The following ITPKB variants were observed in gnomAD, a reference collection of about 807,000 sequenced individuals.
The protein encoded by ITPKB is inositol-trisphosphate 3-kinase B, also known as IP3 3-kinase B.
In ITPKB, 13 loss-of-function variants were observed where a neutral mutation model predicts 69.4. The observed-to-expected ratio is 0.19, with a 90% CI of 0.12 to 0.30. ITPKB has a LOEUF of 0.30. ITPKB is among the 10% of genes least tolerant of loss of function. ITPKB has a pLI of 1.00. For missense variants in ITPKB, 1,240 were observed against 1,250.5 expected, an observed-to-expected ratio of 0.99 and a Z score of 0.13; for synonymous variants, 584 against 513.7, an observed-to-expected ratio of 1.14 and a Z score of -1.85.
Position 226,633,865 on chromosome 1 carries a change from T to C in ITPKB, c.*806A>G, listed in dbSNP as rs536193842. On this transcript the variant is annotated 3_prime_UTR_variant, in exon 8 of 8. Coordinates refer to ENST00000429204, the MANE Select transcript of ITPKB (RefSeq NM_002221.4). Reference sequence around the variant, plus strand: ...CCCAGAGACTCTATAGATCCCATCTTCCCCTGGTAGCACCCTTGGAGCTCA... The same window carrying C: ...CCCAGAGACTCTATAGATCCCATCTCCCCCTGGTAGCACCCTTGGAGCTCA... 21 of 152,318 alleles carry C rather than the reference T, an allele frequency of 1.4e-4. No individual in the cohort carries two copies. Among genetic ancestry groups the C allele is most frequent in the African/African-American group, 5.1e-4 (21 of 41,560 alleles). 9.4% of individuals were successfully genotyped at this position (152,318 alleles called of 1,614,324 possible).
At position 226,647,368 on chromosome 1, in the gene ITPKB, G is replaced by A. The variant is rs1477209879; in HGVS notation, c.2045C>T (p.Ala682Val). The A allele has an allele frequency of 1.2e-6, 2 of 1,613,524 alleles. No homozygotes were observed. Among genetic ancestry groups the A allele is most frequent in the Admixed American group, 3.3e-5 (2 of 59,976 alleles). The change falls in exon 4 of 8, where the codon GCA (alanine) becomes GTA (valine). Residue 682 changes from alanine (A) to valine (V), a missense_variant. Transcript: ENST00000429204. ...CTTCAGGATCCTGCCATTGGCAGCT[G>A]CCTTGAAACTCCCTGGAGAGCAAGT... ...QLAGHAGSFK[A>V]AANGRILKKH...
intron 5 of ITPKB, among the ~76,000 whole-genome samples, chr1:226,640,094 A>G (rs1405272240): frequency 6.6e-6 from 1 of 152,198 alleles, no homozygotes; most frequent in Non-Finnish European, 1.5e-5. Flanking sequence ...CCCTCAGCAC[A>G]GGGAGGAGAG....
intron 6 of ITPKB, among the ~76,000 whole-genome samples, chr1:226,638,208 C>T (rs1345971926): frequency 6.6e-6 from 1 of 152,184 alleles, no homozygotes; most frequent in Non-Finnish European, 1.5e-5. Flanking sequence ...GGAACAAACC[C>T]CAGGCATAGG....
intron 2 of ITPKB, among the ~76,000 whole-genome samples, chr1:226,672,351 T>G (rs1476213349): frequency 1.3e-5 from 2 of 152,166 alleles, no homozygotes; most frequent in African/African-American, 2.4e-5. Flanking sequence ...ACACCATCAC[T>G]CGTACTCCAT....
intron 2 of ITPKB, among the ~76,000 whole-genome samples, chr1:226,686,909 G>A (rs1288564713): frequency 6.6e-6 from 1 of 152,200 alleles, no homozygotes; most frequent in Non-Finnish European, 1.5e-5. Context: ...AAACGTGCAG[G>A]GAGAGTGAGT....
intron 4 of ITPKB, among the ~76,000 whole-genome samples, chr1:226,644,299 C>G (rs1168997663): frequency 6.6e-6 from 1 of 152,200 alleles, no homozygotes; most frequent in Admixed American, 6.5e-5. Flanking sequence ...CCTGCCTGCC[C>G]GAGACAAAGT....
intron 2 of ITPKB, among the ~76,000 whole-genome samples, chr1:226,722,033 G>C (rs1160448797): frequency 6.6e-6 from 1 of 151,836 alleles, no homozygotes; most frequent in Admixed American, 6.6e-5. Context: ...GGCTGGAATC[G>C]AACTCCTGAC....
rs1656644879 is a variant in ITPKB, at chr1:226,701,660, T to A, written c.1932+33867A>T. Among the ~76,000 whole-genome samples the A allele has an allele frequency of 2.0e-5, 3 of 148,056 alleles. No individual in the cohort carries two copies. The South Asian group carries it at 6.5e-4, about 32-fold the overall frequency. ...CACTTTACCCATTTTCTCCAAGGAC[T>A]TAATCTCTTAAGCTCCACAGAGCCA... On this transcript the variant is annotated intron_variant, in intron 2 of 7. Coordinates refer to ENST00000429204, the MANE Select transcript of ITPKB (RefSeq NM_002221.4).
chr1:226,734,819 G>C (rs772721507), intron 2 of ITPKB, among the ~76,000 whole-genome samples: 4 of 152,188 alleles, frequency 2.6e-5, no homozygotes, highest in African/African-American at 4.8e-5. Flanking sequence ...CCATTAGGAG[G>C]TACCTACTCC....
chr1:226,728,879 G>A (rs1423218864), intron 2 of ITPKB, among the ~76,000 whole-genome samples: 1 of 152,186 alleles, frequency 6.6e-6, no homozygotes. Flanking sequence ...AGCAGTCACA[G>A]GAATAAGCAA....
At chr1:226,660,726 G>A (rs1421731614) in intron 2 of ITPKB, among the ~76,000 whole-genome samples, 1 of 152,210 alleles carries the variant, frequency 6.6e-6, no homozygotes. Context: ...GAGGCTAGGA[G>A]GGGACCAACA....
rs1657731731 is a variant in ITPKB, at chr1:226,735,800, G to C, written c.1659C>G (p.Asp553Glu). ...PSPELLPQDP[D>E]KPFLRKACSP... Reference sequence around the variant, plus strand: ...TGCAGGCCTTCCTCAGGAAAGGCTTGTCCGGATCTTGGGGTAGCAGCTCCG... The same window carrying C: ...TGCAGGCCTTCCTCAGGAAAGGCTTCTCCGGATCTTGGGGTAGCAGCTCCG... The change falls in exon 2 of 8, where the codon GAC (aspartate) becomes GAG (glutamate). Residue 553 changes from aspartate to glutamate, a missense_variant. By Grantham distance (45) the Asp-to-Glu change is conservative. Around this residue, in one of 2 missense-constraint regions of ITPKB, gnomAD observed 992 missense variants for 853.8 expected, o/e 1.16. Transcript: ENST00000429204. 3 of 1,608,324 alleles carry C rather than the reference G, an allele frequency of 1.9e-6. No homozygotes were observed. Among genetic ancestry groups the C allele is most frequent in the Non-Finnish European group, 2.6e-6 (3 of 1,175,478 alleles).
intron 2 of ITPKB, among the ~76,000 whole-genome samples, chr1:226,700,359 C>G (rs1656604151): frequency 6.7e-6 from 1 of 150,270 alleles, no homozygotes; most frequent in Non-Finnish European, 1.5e-5. Context: ...GTCCCACCTA[C>G]TCGGGAGGCT....
chr1:226,704,178 A>T (rs2102632673), intron 2 of ITPKB, among the ~76,000 whole-genome samples: 1 of 152,342 alleles, frequency 6.6e-6, no homozygotes, highest in Non-Finnish European at 1.5e-5. Context: ...TTACAGTATG[A>T]AAAAAGAGTG....
At chr1:226,712,138 T>C (rs189834522) in intron 2 of ITPKB, among the ~76,000 whole-genome samples, 1 of 152,292 alleles carries the variant, frequency 6.6e-6, no homozygotes, top group Non-Finnish European at 1.5e-5. Context: ...ACCTGTGTCT[T>C]CCGGAGACCT....
At chr1:226,691,834 G>C (rs553710396) in intron 2 of ITPKB, among the ~76,000 whole-genome samples, 3 of 152,244 alleles carry the variant, frequency 2.0e-5, no homozygotes, top group African/African-American at 7.2e-5. Context: ...ACTACCCCAA[G>C]CTAATAGCAA....
At chr1:226,733,590 C>A (rs878970078) in intron 2 of ITPKB, among the ~76,000 whole-genome samples, 18 of 151,910 alleles carry the variant, frequency 1.2e-4, no homozygotes, top group South Asian at 2.1e-4. Flanking sequence ...ACACACACAC[C>A]CACCCCACTT....
rs925314859 is a variant in ITPKB, at chr1:226,642,218, T to C, written c.2247-93A>G. 4 of 1,050,420 alleles carry C rather than the reference T, an allele frequency of 3.8e-6. No homozygotes were observed. Among genetic ancestry groups the C allele is most frequent in the Non-Finnish European group, 5.6e-6 (4 of 711,796 alleles). 65.1% of individuals were successfully genotyped at this position (1,050,420 alleles called of 1,614,324 possible). Reference sequence around the variant, plus strand: ...GCCTGGTGGATGAAGGTTTGGGGCGTGTGTTGCCCAACAGCTGCAGTCAGC... The same window carrying C: ...GCCTGGTGGATGAAGGTTTGGGGCGCGTGTTGCCCAACAGCTGCAGTCAGC... On this transcript the variant is annotated intron_variant, in intron 4 of 7. Transcript: ENST00000429204. This position sits in a 1 kb window ranked among gnomAD's most constrained non-coding sequence, Gnocchi z 6.4.
At chr1:226,649,443 G>A (rs886366536) in intron 2 of ITPKB, among the ~76,000 whole-genome samples, 2 of 95,772 alleles carry the variant, frequency 2.1e-5, no homozygotes, top group East Asian at 4.1e-4. Context: ...GTATGTGTGC[G>A]TGTGTGTGCA....
Sources: gnomAD v4.1 joint callset for allele counts (sites outside exome capture counted in the v4.1 genomes callset) on GRCh38, gnomAD v4.1.1 for gene constraint, gnomAD v4.1.1 regional missense constraint, Gnocchi (gnomAD v3.1) non-coding constraint, MANE v1.5 for transcripts, NCBI Gene and HGNC (gene_info 2026-07-23, HGNC 2026-07-21) for gene names.